Variants in SMYD3 observed in about 807,000 individuals in gnomAD.
The protein encoded by SMYD3 is SET and MYND domain containing 3, also known as histone-lysine N-methyltransferase SMYD3.
Under a neutral mutation model 57.7 loss-of-function variants are expected in SMYD3, and 36 were observed. The observed-to-expected ratio is 0.62, with a 90% CI of 0.48 to 0.82. The LOEUF is 0.82. SMYD3 is among the 40% of genes least tolerant of loss of function. The probability of loss-of-function intolerance (pLI) is 0.00; values close to 1 mark genes in which losing one functional copy is unlikely to be tolerated. For missense variants in SMYD3, 515 were observed against 538.8 expected, an observed-to-expected ratio of 0.96 and a Z score of 0.44; for synonymous variants, 211 against 195.0, an observed-to-expected ratio of 1.08 and a Z score of -0.68.
intron 1 of SMYD3, among the ~76,000 whole-genome samples, chr1:246,447,547 A>G (rs1294914840): frequency 1.3e-5 from 2 of 152,228 alleles, no homozygotes; most frequent in Admixed American, 1.3e-4. Context: ...ACGCACCTGA[A>G]GTTGTCTCAC....
Position 245,804,276 on chromosome 1 carries a change from G to A in SMYD3, c.1077-40127C>T, listed in dbSNP as rs191432087. ...CACACACAATAGCACTCACTGCCGT[G>A]GTCTGGATGTTCTCCCAAATTAATG... is the stretch of plus-strand genomic sequence containing the variant. On this transcript the variant is annotated intron_variant, in intron 10 of 11. Transcript: ENST00000490107. Among the ~76,000 whole-genome samples, 6 of 152,212 alleles carry A rather than the reference G, an allele frequency of 3.9e-5. No individual in the cohort carries two copies. The East Asian group carries it at 1.2e-3, about 29-fold the overall frequency.
intron 5 of SMYD3, among the ~76,000 whole-genome samples, chr1:246,195,867 G>T (rs976210615): frequency 1.3e-5 from 2 of 152,108 alleles, no homozygotes; most frequent in African/African-American, 4.8e-5. Context: ...AACCAAAAGG[G>T]GTCAGAGCCT....
At chr1:245,848,256 A>G (rs1572503453) in intron 10 of SMYD3, among the ~76,000 whole-genome samples, 1 of 148,662 alleles carries the variant, frequency 6.7e-6, no homozygotes, top group African/African-American at 2.5e-5. Context: ...GGCTTGAGCC[A>G]CCATGCCGAG....
intron 1 of SMYD3, among the ~76,000 whole-genome samples, chr1:246,386,008 C>A (rs2066472405): frequency 6.6e-6 from 1 of 152,114 alleles, no homozygotes. Flanking sequence ...CCTGCCTCAG[C>A]CTCCCAAGTA....
intron 10 of SMYD3, among the ~76,000 whole-genome samples, chr1:245,853,578 C>T (rs1337440723): frequency 1.3e-5 from 2 of 152,216 alleles, no homozygotes; most frequent in Non-Finnish European, 2.9e-5. Flanking sequence ...CTGCAGACTC[C>T]TGTACCAGAA....
At chr1:246,026,589 A>G (rs963370759) in intron 5 of SMYD3, among the ~76,000 whole-genome samples, 2 of 152,208 alleles carry the variant, frequency 1.3e-5, no homozygotes, top group African/African-American at 2.4e-5. Flanking sequence ...TGTGATGCTT[A>G]TCAGTGTTCT....
chr1:246,075,213 G>T (rs2060526481), intron 5 of SMYD3, among the ~76,000 whole-genome samples: 1 of 151,904 alleles, frequency 6.6e-6, no homozygotes, highest in African/African-American at 2.4e-5. Flanking sequence ...TATCAACAAA[G>T]AATCTTAAAA....
At chr1:246,114,478 C>T (rs146041786) in intron 5 of SMYD3, among the ~76,000 whole-genome samples, 4 of 152,306 alleles carry the variant, frequency 2.6e-5, no homozygotes, top group African/African-American at 9.6e-5. Flanking sequence ...TTCCCAAATA[C>T]CTTGCTCTGC....
chr1:245,984,748 T>C (rs1288693737), intron 5 of SMYD3, among the ~76,000 whole-genome samples: 2 of 152,206 alleles, frequency 1.3e-5, no homozygotes, highest in Non-Finnish European at 1.5e-5. Context: ...TCCTTTCATA[T>C]TGCTTCTTTC....
intron 1 of SMYD3, among the ~76,000 whole-genome samples, chr1:246,370,212 G>C (rs149498457): frequency 2.6e-5 from 4 of 152,190 alleles, no homozygotes; most frequent in African/African-American, 9.7e-5. Flanking sequence ...ATAACGTCCC[G>C]GGTGGATGAC....
At chr1:246,313,294 G>A (rs1464903788) in intron 5 of SMYD3, among the ~76,000 whole-genome samples, 1 of 152,076 alleles carries the variant, frequency 6.6e-6, no homozygotes, top group Non-Finnish European at 1.5e-5. Context: ...AGACTTTTGA[G>A]GCCCCCAAAC....
chr1:245,795,432 T>A (rs1052543536), intron 10 of SMYD3, among the ~76,000 whole-genome samples: 1 of 152,240 alleles, frequency 6.6e-6, no homozygotes, highest in African/African-American at 2.4e-5. Context: ...CTAGTCCCTG[T>A]TACATTCCAG....
intron 5 of SMYD3, among the ~76,000 whole-genome samples, chr1:246,110,219 C>T (rs901533647): frequency 1.3e-5 from 2 of 152,138 alleles, no homozygotes; most frequent in African/African-American, 2.4e-5. Context: ...TGTCTTGGCT[C>T]AGCGTCTAAC....
intron 5 of SMYD3, among the ~76,000 whole-genome samples, chr1:246,102,755 A>ATAATAATAAT (rs1553289392): frequency 6.8e-6 from 1 of 146,924 alleles, no homozygotes; most frequent in African/African-American, 2.5e-5. Flanking sequence ...AAAAAAAAAA[A>ATAATAATAAT]AATAATAATA....
chr1:246,148,308 C>A (rs936094921), intron 5 of SMYD3, among the ~76,000 whole-genome samples: 5 of 152,104 alleles, frequency 3.3e-5, no homozygotes, highest in Non-Finnish European at 7.4e-5. Flanking sequence ...GCTTCAGAGA[C>A]CTGCAGAGAT....
At chr1:246,393,122 T>C (rs1225482803) in intron 1 of SMYD3, among the ~76,000 whole-genome samples, 1 of 152,106 alleles carries the variant, frequency 6.6e-6, no homozygotes, top group Non-Finnish European at 1.5e-5. Context: ...ATATAATGAG[T>C]ACAAGTTTTA....
In SMYD3 at chr1:246,144,982, T is replaced by C. The variant is rs111757473; in HGVS notation, c.531+182219A>G. On this transcript the variant is annotated intron_variant, in intron 5 of 11. Transcript: ENST00000490107. Reference sequence around the variant, plus strand: ...ACGAAAGCATCCTAATAGTTTTGTATAGTGGAAAGAACACAGGCTTGAAAA... The same window carrying C: ...ACGAAAGCATCCTAATAGTTTTGTACAGTGGAAAGAACACAGGCTTGAAAA... 7.6e-3 allele frequency among the ~76,000 whole-genome samples: 1,154 copies of C among 152,346 alleles called. 9 individuals carry two copies. Among genetic ancestry groups the C allele is most frequent in the African/African-American group, 0.026 (1,075 of 41,578 alleles).
At chr1:245,864,530 T>C (rs2051723190) in intron 8 of SMYD3, among the ~76,000 whole-genome samples, 1 of 152,176 alleles carries the variant, frequency 6.6e-6, no homozygotes, top group African/African-American at 2.4e-5. Flanking sequence ...ACCACATGTA[T>C]GATTCCATGG....
intron 5 of SMYD3, among the ~76,000 whole-genome samples, chr1:245,999,902 G>A (rs1165646499): frequency 1.3e-5 from 2 of 152,148 alleles, no homozygotes; most frequent in Non-Finnish European, 2.9e-5. Flanking sequence ...TTCATTTAGC[G>A]AGTATGTAAT....
Sources: allele counts gnomAD v4.1 joint callset (sites outside exome capture counted in the v4.1 genomes callset), GRCh38; gene constraint gnomAD v4.1.1; transcripts MANE v1.5; gene names NCBI Gene and HGNC (gene_info 2026-07-23, HGNC 2026-07-21).